The following BCAS4 variants were observed in gnomAD, a reference collection of about 807,000 sequenced individuals.
The protein encoded by BCAS4 is breast carcinoma amplified sequence 4.
In BCAS4, 9 loss-of-function variants were observed where a neutral mutation model predicts 15.7. The observed-to-expected ratio is 0.57, with a 90% confidence interval of 0.34 to 1.00. BCAS4 has a LOEUF of 1.00. Ranked by LOEUF, BCAS4 falls within the 50% of genes least tolerant of loss-of-function variation. The pLI is 0.02. For missense variants in BCAS4, 225 were observed against 239.1 expected (o/e 0.94, Z 0.39); for synonymous variants, 101 against 99.5 (o/e 1.02, Z -0.09).
At chr20:50,821,518 T>C (rs1307904741) in intron 2 of BCAS4, among the ~76,000 whole-genome samples, 1 of 152,244 alleles carries the variant, frequency 6.6e-6, no homozygotes, top group Non-Finnish European at 1.5e-5. Context: ...TGATCAGCCC[T>C]AGCTTGGGGC....
rs201538727 is a variant in BCAS4, at chr20:50,816,308, G to A, written c.91-1903G>A. Among the ~76,000 whole-genome samples, 609 of 152,328 alleles carry A rather than the reference G, an allele frequency of 4.0e-3. 3 individuals carry two copies. Among genetic ancestry groups the A allele is most frequent in the African/African-American group, 0.014 (574 of 41,564 alleles). On this transcript the variant is annotated intron_variant, in intron 1 of 4. Coordinates refer to ENST00000371608, the MANE Select transcript of BCAS4 (RefSeq NM_198799.4). ...CCCAAAGTGTTGGGATTACAGGCGT[G>A]AGCCACTACGCCTGGCCAAACCGCT...
intron 4 of BCAS4, among the ~76,000 whole-genome samples, chr20:50,866,364 C>G (rs574407167): frequency 6.6e-6 from 1 of 152,276 alleles, no homozygotes; most frequent in African/African-American, 2.4e-5. Context: ...GCTTGGATGC[C>G]CATAGGGCTT....
intron 1 of BCAS4, among the ~76,000 whole-genome samples, chr20:50,800,548 T>C (rs1229694342): frequency 2.0e-5 from 3 of 149,720 alleles, no homozygotes; most frequent in South Asian, 2.1e-4. Context: ...CTCTTTCTGG[T>C]TTGAACATCC....
chr20:50,818,316 C>CTGGAAGGCGTGGGTTTAGGCA, intron 2 of BCAS4, 34 bp downstream of exon 2: 2 of 1,596,256 alleles, frequency 1.3e-6, no homozygotes, highest in Non-Finnish European at 1.7e-6. Flanking sequence ...GGGTTTAGGC[C>CTGGAAGGCGTGGGTTTAGGCA]CAGGCCAGAC....
chr20:50,840,905 C>A (rs1481484862), intron 3 of BCAS4: 2 of 631,748 alleles, frequency 3.2e-6, no homozygotes, highest in Non-Finnish European at 5.7e-6. Context: ...TCTCAGCTCA[C>A]TGCAACCTCC....
At chr20:50,806,165 C>A (rs1239932894) in intron 1 of BCAS4, among the ~76,000 whole-genome samples, 1 of 152,166 alleles carries the variant, frequency 6.6e-6, no homozygotes, top group African/African-American at 2.4e-5. Flanking sequence ...ACTTACTAGA[C>A]TTCCTTAGCT....
chr20:50,807,638 T>G (rs1362833400), intron 1 of BCAS4, among the ~76,000 whole-genome samples: 1 of 152,372 alleles, frequency 6.6e-6, no homozygotes, highest in East Asian at 1.9e-4. Context: ...GCACCCAATG[T>G]GCAGTCTTTT....
At chr20:50,870,764 C>T (rs1456560999) in intron 4 of BCAS4, among the ~76,000 whole-genome samples, 1 of 152,266 alleles carries the variant, frequency 6.6e-6, no homozygotes, top group Non-Finnish European at 1.5e-5. Flanking sequence ...TGCATTTGGC[C>T]TGTGCCCTGC....
intron 4 of BCAS4, among the ~76,000 whole-genome samples, chr20:50,867,871 G>A (rs957330839): frequency 1.3e-5 from 2 of 152,168 alleles, no homozygotes; most frequent in Admixed American, 6.5e-5. Flanking sequence ...CCAAGATCAT[G>A]CCACTGCACC....
intron 4 of BCAS4, chr20:50,875,939 G>T (rs1334162868): frequency 1.3e-5 from 6 of 455,934 alleles, no homozygotes; most frequent in African/African-American, 8.0e-5. Context: ...AGAACATATT[G>T]ATCTGCCTGG....
At chr20:50,816,448 C>G (rs1380191259) in intron 1 of BCAS4, among the ~76,000 whole-genome samples, 4 of 152,184 alleles carry the variant, frequency 2.6e-5, no homozygotes, top group Non-Finnish European at 5.9e-5. Flanking sequence ...TAAATGTGTT[C>G]CAATGTTTAA....
intron 1 of BCAS4, among the ~76,000 whole-genome samples, chr20:50,816,012 G>T (rs1474127992): frequency 6.6e-6 from 1 of 151,774 alleles, no homozygotes; most frequent in Non-Finnish European, 1.5e-5. Context: ...ACTTGAGGGG[G>T]AAAAAAAACC....
At chr20:50,874,290 C>T (rs1019723856) in intron 4 of BCAS4, among the ~76,000 whole-genome samples, 1 of 152,196 alleles carries the variant, frequency 6.6e-6, no homozygotes, top group Non-Finnish European at 1.5e-5. Context: ...CCACACTCCA[C>T]CCACTCAGCA....
chr20:50,822,020 T>G (rs975510833), intron 2 of BCAS4, among the ~76,000 whole-genome samples: 1 of 152,216 alleles, frequency 6.6e-6, no homozygotes, highest in Non-Finnish European at 1.5e-5. Context: ...AATTTGGTGA[T>G]GTAAAACAAC....
At chr20:50,827,568 C>T (rs535608500) in intron 2 of BCAS4, among the ~76,000 whole-genome samples, 1 of 152,336 alleles carries the variant, frequency 6.6e-6, no homozygotes, top group East Asian at 1.9e-4. Flanking sequence ...CTTGTCCCAG[C>T]TTTGGCCATT....
chr20:50,830,944 G>C (rs934548873), intron 3 of BCAS4, among the ~76,000 whole-genome samples: 1 of 152,152 alleles, frequency 6.6e-6, no homozygotes, highest in East Asian at 1.9e-4. Context: ...CAGAAGCTTT[G>C]ATAACCCTGG....
chr20:50,817,566 G>A (rs753504202), intron 1 of BCAS4, among the ~76,000 whole-genome samples: 1 of 152,084 alleles, frequency 6.6e-6, no homozygotes, highest in African/African-American at 2.4e-5. Context: ...AGGTTCAAGC[G>A]ATTCTCCTGC....
intron 4 of BCAS4, among the ~76,000 whole-genome samples, chr20:50,847,455 G>A (rs2088560414): frequency 6.6e-6 from 1 of 152,190 alleles, no homozygotes; most frequent in Admixed American, 6.5e-5. Flanking sequence ...GCTCAGCGGT[G>A]AGCGGGAATC....
At chr20:50,810,044 A>G (rs1402003974) in intron 1 of BCAS4, among the ~76,000 whole-genome samples, 2 of 152,086 alleles carry the variant, frequency 1.3e-5, no homozygotes, top group Admixed American at 6.6e-5. Context: ...TCATGTCATC[A>G]GCAAACAGCA....
Sources: gnomAD v4.1 joint callset for allele counts (sites outside exome capture counted in the v4.1 genomes callset) on GRCh38, gnomAD v4.1.1 for gene constraint, MANE v1.5 for transcripts, NCBI Gene and HGNC (gene_info 2026-07-23, HGNC 2026-07-21) for gene names.